ADGRV1: variants seen among roughly 807,000 people sequenced by gnomAD.
ADGRV1 encodes G-protein coupled receptor 98.
Under a neutral mutation model 596.2 loss-of-function variants are expected in ADGRV1, and 359 were observed. The observed-to-expected ratio is 0.60, with a 90% CI of 0.55 to 0.66. The LOEUF (loss-of-function observed/expected upper bound fraction) is 0.66, where lower values mean the gene tolerates loss of function less well. ADGRV1 is among the 30% of genes least tolerant of loss of function. The pLI, the probability that ADGRV1 is intolerant of heterozygous loss-of-function variation, is 0.00. For synonymous variants in ADGRV1, 2,681 were observed against 2,679.2 expected (o/e 1.00, Z -0.02); for missense variants, 7,274 against 7,575.6 (o/e 0.96, Z 1.48).
At position 90,637,725 on chromosome 5, in the gene ADGRV1, G is replaced by A. The variant is rs1296125643; in HGVS notation, c.2017G>A (p.Val673Ile). ...TGTTCTGTTCTTTTCTTTTTATAAG[G>A]TATACATTCCCTTACATCGGGATGG... ...HEPEDFAAEV[V>I]YIPLHRDGTD... Residue 673 changes from valine (V) to isoleucine (I), a missense_variant and splice_region_variant, in exon 11 of 90, where the codon GTA becomes ATA. Physicochemically the swap from Val to Ile is conservative, Grantham distance 29 (BLOSUM62 3). Around this residue, in one of 5 missense-constraint regions of ADGRV1, gnomAD observed 1,715 missense variants for 1,708.8 expected, o/e 1.00. Transcript: ENST00000405460. 6.3e-7 allele frequency: 1 copy of A among 1,597,506 alleles called. No individual in the cohort carries two copies. The highest frequency in any genetic ancestry group is 8.5e-7 in the Non-Finnish European group (1 of 1,170,998).
At chr5:91,051,955 T>C (rs1786373227) in intron 85 of ADGRV1, among the ~76,000 whole-genome samples, 1 of 152,192 alleles carries the variant, frequency 6.6e-6, no homozygotes, top group Non-Finnish European at 1.5e-5. Context: ...GAATATCCTG[T>C]TTACGATATT....
chr5:90,759,172 C>CAACTTTAA, intron 57 of ADGRV1, among the ~76,000 whole-genome samples: 1 of 152,144 alleles, frequency 6.6e-6, no homozygotes, highest in South Asian at 2.1e-4. Flanking sequence ...TAAATATACA[C>CAACTTTAA]AACTTTAAAA....
At chr5:90,828,879 A>G (rs1306765599) in intron 76 of ADGRV1, 65 bp from the exon 77 acceptor site, 3 of 1,024,756 alleles carry the variant, frequency 2.9e-6, no homozygotes, top group Non-Finnish European at 4.0e-6. Context: ...TTTAAATATC[A>G]GAACTATCTA....
chr5:90,786,782 A>G (rs976620314), intron 67 of ADGRV1, among the ~76,000 whole-genome samples: 1 of 152,206 alleles, frequency 6.6e-6, no homozygotes, highest in African/African-American at 2.4e-5. Context: ...GTTTACTAAG[A>G]TGCAGAAGCT....
chr5:90,616,494 C>A (rs1353000506), intron 2 of ADGRV1, among the ~76,000 whole-genome samples: 1 of 152,112 alleles, frequency 6.6e-6, no homozygotes, highest in Admixed American at 6.6e-5. Context: ...AGAGCAGTTT[C>A]TTTGAAACTG....
At chr5:91,013,879 T>C (rs1361129408) in intron 85 of ADGRV1, among the ~76,000 whole-genome samples, 1 of 152,062 alleles carries the variant, frequency 6.6e-6, no homozygotes. Flanking sequence ...AATTGATTTT[T>C]GTGTATGGTG....
chr5:91,039,839 C>T (rs1447566962), intron 85 of ADGRV1, among the ~76,000 whole-genome samples: 1 of 152,068 alleles, frequency 6.6e-6, no homozygotes, highest in East Asian at 1.9e-4. Flanking sequence ...GTTTTGAAAA[C>T]AAAGATGTAC....
chr5:90,905,189 C>CT (rs1772202026), intron 83 of ADGRV1, among the ~76,000 whole-genome samples: 1 of 151,910 alleles, frequency 6.6e-6, no homozygotes, highest in Non-Finnish European at 1.5e-5. Context: ...TAGTTTTGTT[C>CT]TTTTTGCTTA....
chr5:90,573,951 G>C (rs941743493), intron 1 of ADGRV1, among the ~76,000 whole-genome samples: 5 of 151,686 alleles, frequency 3.3e-5, no homozygotes, highest in African/African-American at 1.2e-4. Context: ...TCAAAGATCA[G>C]ATGGTTGTAG....
At chr5:90,573,056 A>G (rs1756754036) in intron 1 of ADGRV1, among the ~76,000 whole-genome samples, 2 of 152,154 alleles carry the variant, frequency 1.3e-5, no homozygotes, top group Admixed American at 1.3e-4. Context: ...TAGATCTACT[A>G]ATTAAGTAAG....
At position 90,781,375 on chromosome 5, in the gene ADGRV1, G is replaced by A. The variant is rs41303348; in HGVS notation, c.13083-55G>A. The A allele has an allele frequency of 4.3e-4, 557 of 1,295,124 alleles. No individual in the cohort carries two copies. In the African/African-American group the frequency reaches 4.9e-3, roughly 11 times the overall value. 80.2% of individuals were successfully genotyped at this position (1,295,124 alleles called of 1,614,324 possible). A position where few individuals can be genotyped will look rare whatever the true frequency, so the allele number is the denominator to read the frequency against. On this transcript the variant is annotated intron_variant, in intron 64 of 89. Transcript: ENST00000405460. The stretch of plus-strand genomic sequence containing the variant: ...CTTTTAATTCATGCTATGCAATTAT[G>A]TATTTTTTGTTGTTGTTGTATTTTA...
intron 45 of ADGRV1, among the ~76,000 whole-genome samples, 172 bp from the exon 46 acceptor site, chr5:90,724,660 G>A (rs532764958): frequency 2.6e-5 from 4 of 152,206 alleles, no homozygotes; most frequent in Middle Eastern, 3.4e-3. Context: ...TTCATTATTT[G>A]TAGTTATTTT....
At chr5:90,834,370 G>A (rs1420796185) in intron 77 of ADGRV1, among the ~76,000 whole-genome samples, 1 of 152,110 alleles carries the variant, frequency 6.6e-6, no homozygotes, top group Non-Finnish European at 1.5e-5. Context: ...GTCTGGGAAA[G>A]TCTTTCTCCT....
At chr5:91,042,152 G>C (rs1581876380) in intron 85 of ADGRV1, among the ~76,000 whole-genome samples, 1 of 152,150 alleles carries the variant, frequency 6.6e-6, no homozygotes, top group Admixed American at 6.5e-5. Flanking sequence ...AGCCCTGCCT[G>C]AACTTCTCTG....
intron 86 of ADGRV1, among the ~76,000 whole-genome samples, chr5:91,075,854 C>G (rs1309448260): frequency 6.6e-6 from 1 of 152,164 alleles, no homozygotes; most frequent in Non-Finnish European, 1.5e-5. Flanking sequence ...CACGGTCTGA[C>G]CCAGGACCAT....
In ADGRV1 at chr5:90,776,510, C is replaced by T. The variant is rs776344596; in HGVS notation, c.12461C>T (p.Ala4154Val). ...DKRASGEVGI[A>V]PSSRHILIGE... ...CGAGCATCAGGAGAAGTTGGGATAG[C>T]TCCGTCATCTAGGCACATCCTCATT... Residue 4154 changes from alanine to valine, a missense_variant, in exon 61 of 90, where the codon GCT becomes GTT. Transcript: ENST00000405460. The T allele has an allele frequency of 4.3e-5, 70 of 1,613,066 alleles. No individual in the cohort carries two copies. Among genetic ancestry groups the T allele is most frequent in the Non-Finnish European group, 5.7e-5 (67 of 1,179,344 alleles).
chr5:91,085,050 T>TAA, intron 86 of ADGRV1, among the ~76,000 whole-genome samples: 1 of 151,948 alleles, frequency 6.6e-6, no homozygotes, highest in Non-Finnish European at 1.5e-5. Context: ...GGACACAGGG[T>TAA]GGGGAACATC....
intron 25 of ADGRV1, among the ~76,000 whole-genome samples, chr5:90,677,287 G>A (rs1744362304): frequency 6.6e-6 from 1 of 152,104 alleles, no homozygotes; most frequent in African/African-American, 2.4e-5. Flanking sequence ...TTTCTTTCCT[G>A]TGTTCCCAAA....
intron 85 of ADGRV1, among the ~76,000 whole-genome samples, chr5:91,052,897 T>C (rs561775320): frequency 5.9e-5 from 9 of 152,308 alleles, no homozygotes; most frequent in Non-Finnish European, 1.0e-4. Context: ...AGAAACATGC[T>C]TCTATAGTAT....
Sources: gnomAD v4.1 joint callset for allele counts (sites outside exome capture counted in the v4.1 genomes callset) on GRCh38, gnomAD v4.1.1 for gene constraint, gnomAD v4.1.1 regional missense constraint, MANE v1.5 for transcripts, NCBI Gene and HGNC (gene_info 2026-07-23, HGNC 2026-07-21) for gene names.